KCNS3: variants seen among roughly 807,000 people sequenced by gnomAD.
KCNS3 encodes the protein potassium voltage-gated channel modifier subfamily S member 3, also known as delayed-rectifier potassium channel regulatory subunit KCNS3.
In KCNS3, 13 loss-of-function variants were observed where a neutral mutation model predicts 31.0. The ratio of observed to expected loss-of-function variants is 0.42; its 90% CI spans 0.27 to 0.67. The LOEUF (loss-of-function observed/expected upper bound fraction) is 0.67, where lower values mean the gene tolerates loss of function less well. Among genes scored for constraint, KCNS3 ranks in the 30% least tolerant of loss-of-function variants. The pLI is 0.25. For missense variants in KCNS3, 545 were observed against 622.4 expected (o/e 0.88, Z 1.32); for synonymous variants, 238 against 241.5 (o/e 0.99, Z 0.13).
intron 1 of KCNS3, among the ~76,000 whole-genome samples, chr2:17,910,055 C>T (rs1347517541): frequency 3.3e-5 from 5 of 152,232 alleles, no homozygotes; most frequent in South Asian, 2.1e-4. Flanking sequence ...TTCAGAATAG[C>T]GTGTTTAAAC....
chr2:17,929,327 G>T (rs1156323308), intron 2 of KCNS3, among the ~76,000 whole-genome samples: 1 of 152,204 alleles, frequency 6.6e-6, no homozygotes, highest in Non-Finnish European at 1.5e-5. Flanking sequence ...GGAGGCCTCA[G>T]GAAATTTACA....
intron 1 of KCNS3, among the ~76,000 whole-genome samples, chr2:17,901,677 G>A (rs1662176233): frequency 6.6e-6 from 1 of 152,034 alleles, no homozygotes; most frequent in African/African-American, 2.4e-5. Context: ...CCATGGTGGT[G>A]GGTGAGGCTG....
chr2:17,925,437 C>A (rs1662813434), intron 2 of KCNS3, among the ~76,000 whole-genome samples: 1 of 152,122 alleles, frequency 6.6e-6, no homozygotes, highest in African/African-American at 2.4e-5. Context: ...AGTCTTTAGA[C>A]AATGTATTAA....
intron 2 of KCNS3, among the ~76,000 whole-genome samples, chr2:17,927,500 A>G (rs1176315643): frequency 6.6e-6 from 1 of 152,218 alleles, no homozygotes; most frequent in African/African-American, 2.4e-5. Context: ...GTAATTTATA[A>G]AGAAAATATG....
chr2:17,886,105 C>T (rs1317005094), intron 1 of KCNS3, among the ~76,000 whole-genome samples: 7 of 152,198 alleles, frequency 4.6e-5, no homozygotes, highest in Non-Finnish European at 4.4e-5. Flanking sequence ...TTTGCTGCCT[C>T]TGGACTTTAG....
chr2:17,898,360 T>C lies in KCNS3; in HGVS notation c.-251-19320T>C, dbSNP rs905568685. Among the ~76,000 whole-genome samples, 5 of 152,054 alleles carry C rather than the reference T, an allele frequency of 3.3e-5. No homozygotes were observed. In the East Asian group the frequency reaches 7.7e-4, roughly 23 times the overall value. On this transcript the variant is annotated intron_variant, in intron 1 of 2. Coordinates refer to ENST00000304101, the MANE Select transcript of KCNS3 (RefSeq NM_002252.5). ...TTTAAAAATGACATTAATAGTTTGA[T>C]AGGAATAGCATTGAATCTATCTGTA...
At chr2:17,907,469 A>C (rs1001302947) in intron 1 of KCNS3, among the ~76,000 whole-genome samples, 1 of 152,168 alleles carries the variant, frequency 6.6e-6, no homozygotes, top group Non-Finnish European at 1.5e-5. Flanking sequence ...ATTTAAGGTT[A>C]ATATTGTTAT....
intron 1 of KCNS3, among the ~76,000 whole-genome samples, chr2:17,916,470 A>C (rs1182498451): frequency 6.6e-6 from 1 of 152,172 alleles, no homozygotes; most frequent in Non-Finnish European, 1.5e-5. Context: ...TCCTCTGCTA[A>C]GTGTTCCATC....
intron 1 of KCNS3, among the ~76,000 whole-genome samples, chr2:17,898,752 A>G (rs1013008450): frequency 2.6e-5 from 4 of 152,212 alleles, no homozygotes; most frequent in Non-Finnish European, 5.9e-5. Context: ...AAAGGGGCAG[A>G]GGAAACTAAA....
intron 2 of KCNS3, among the ~76,000 whole-genome samples, chr2:17,918,906 G>A (rs998257195): frequency 4.6e-5 from 7 of 152,244 alleles, no homozygotes; most frequent in Middle Eastern, 3.2e-3. Context: ...CCCCTGGGCA[G>A]CAGAGCTTTC....
intron 1 of KCNS3, among the ~76,000 whole-genome samples, chr2:17,892,136 T>A (rs1661873386): frequency 6.6e-6 from 1 of 152,152 alleles, no homozygotes; most frequent in South Asian, 2.1e-4. Context: ...TATTCTTTTT[T>A]CTTTGTCTTT....
chr2:17,888,661 A>C (rs1184169613), intron 1 of KCNS3, among the ~76,000 whole-genome samples: 9 of 138,444 alleles, frequency 6.5e-5, no homozygotes, highest in Admixed American at 2.2e-4. Context: ...ATATATATAT[A>C]TATATATATA....
At chr2:17,901,229 A>G (rs2125239872) in intron 1 of KCNS3, among the ~76,000 whole-genome samples, 1 of 152,294 alleles carries the variant, frequency 6.6e-6, no homozygotes, top group Admixed American at 6.5e-5. Context: ...GAGGGTAGGG[A>G]ATGGAAATAG....
intron 1 of KCNS3, among the ~76,000 whole-genome samples, chr2:17,902,356 G>A (rs1662198114): frequency 6.6e-6 from 1 of 151,674 alleles, no homozygotes; most frequent in African/African-American, 2.4e-5. Context: ...GTGTGTGTGT[G>A]TGTGTGTGTG....
At position 17,878,684 on chromosome 2, in the gene KCNS3, C is replaced by A. The variant is rs1389560115; in HGVS notation, c.-374C>A. On this transcript the variant is annotated 5_prime_UTR_variant, in exon 1 of 3. Coordinates refer to ENST00000304101, the MANE Select transcript of KCNS3 (RefSeq NM_002252.5). ...CGACGGACAGACCGGCCGACGCGGG[C>A]CACCCCGCTCTCCTCGCCGCCGCGG... 6.7e-6 allele frequency: 1 copy of A among 149,826 alleles called. No homozygotes were observed. The allele number at this position is 149,826 out of a possible 1,614,324, so 9.3% of individuals were successfully genotyped here.
At chr2:17,884,266 A>ATATATATAT (rs1553340995) in intron 1 of KCNS3, among the ~76,000 whole-genome samples, 175 of 44,946 alleles carry the variant, frequency 3.9e-3, no homozygotes, top group African/African-American at 7.0e-3. Context: ...TAAAAAAAAA[A>ATATATATAT]AAATATATAT....
intron 2 of KCNS3, among the ~76,000 whole-genome samples, chr2:17,929,955 G>A (rs1662918890): frequency 6.6e-6 from 1 of 152,164 alleles, no homozygotes; most frequent in Non-Finnish European, 1.5e-5. Context: ...ATCAGGTGGG[G>A]ACTCAGTATA....
chr2:17,909,037 G>A (rs149723718), intron 1 of KCNS3, among the ~76,000 whole-genome samples: 8,245 of 152,270 alleles, frequency 0.054, 251 homozygotes, highest in African/African-American at 0.094. Context: ...CCTTTTGTTT[G>A]GCTATGCCCG....
intron 1 of KCNS3, among the ~76,000 whole-genome samples, chr2:17,894,266 G>T (rs1219516806): frequency 6.6e-6 from 1 of 151,916 alleles, no homozygotes; most frequent in African/African-American, 2.4e-5. Flanking sequence ...TGAGTACCAG[G>T]ACCGGAGCAC....
Sources: allele counts gnomAD v4.1 joint callset (sites outside exome capture counted in the v4.1 genomes callset), GRCh38; gene constraint gnomAD v4.1.1; transcripts MANE v1.5; gene names NCBI Gene and HGNC (gene_info 2026-07-23, HGNC 2026-07-21).